PPP1R16B: variants seen among roughly 807,000 people sequenced by gnomAD.
The protein encoded by PPP1R16B is protein phosphatase 1 regulatory subunit 16B, also known as protein phosphatase 1 regulatory inhibitor subunit 16B.
Under a neutral mutation model 61.7 loss-of-function variants are expected in PPP1R16B, and 14 were observed. That is an observed-to-expected ratio of 0.23 (90% confidence interval 0.15 to 0.35). The LOEUF is 0.35. Among genes scored for constraint, PPP1R16B ranks in the 10% least tolerant of loss-of-function variants. PPP1R16B has a pLI of 1.00. For synonymous variants in PPP1R16B, 266 were observed against 305.3 expected, an observed-to-expected ratio of 0.87 and a Z score of 1.34; for missense variants, 547 against 752.5, an observed-to-expected ratio of 0.73 and a Z score of 3.19.
intron 3 of PPP1R16B, 91 bp downstream of exon 3, chr20:38,889,756 A>G: frequency 3.8e-6 from 5 of 1,315,216 alleles, no homozygotes; most frequent in Non-Finnish European, 5.5e-6. Flanking sequence ...CAGAACCCTC[A>G]GGGAGGAGGG....
At chr20:38,899,917 C>T (rs1295212995) in intron 4 of PPP1R16B, among the ~76,000 whole-genome samples, 1 of 152,058 alleles carries the variant, frequency 6.6e-6, no homozygotes, top group Non-Finnish European at 1.5e-5. Context: ...ATGCCTCAGC[C>T]TCCCGAATAG....
chr20:38,809,758 CTGAT>C (rs571049221), intron 1 of PPP1R16B, among the ~76,000 whole-genome samples: 223 of 152,160 alleles, frequency 1.5e-3, no homozygotes, highest in Non-Finnish European at 2.2e-3. Context: ...GGTGGGCAGA[CTGAT>C]TGACTCCAGG....
At chr20:38,915,978 T>A (rs2085534429) in intron 10 of PPP1R16B, among the ~76,000 whole-genome samples, 1 of 149,494 alleles carries the variant, frequency 6.7e-6, no homozygotes, top group Non-Finnish European at 1.5e-5. Context: ...CACATACACA[T>A]CAAAGTTTGA....
At chr20:38,870,383 AC>A (rs1451432032) in intron 2 of PPP1R16B, among the ~76,000 whole-genome samples, 1 of 152,166 alleles carries the variant, frequency 6.6e-6, no homozygotes, top group African/African-American at 2.4e-5. Context: ...TAAAAGTCTG[AC>A]TAAATGCTGT....
At chr20:38,901,444 G>T (rs1444258468) in intron 5 of PPP1R16B, among the ~76,000 whole-genome samples, 1 of 152,158 alleles carries the variant, frequency 6.6e-6, no homozygotes, top group Non-Finnish European at 1.5e-5. Flanking sequence ...GAGTCTTGCT[G>T]TGTCCCCCAG....
In PPP1R16B at chr20:38,814,148, A is replaced by G. The variant is rs903914786; in HGVS notation, c.-102+8356A>G. On this transcript the variant is annotated intron_variant, in intron 1 of 10. Transcript: ENST00000299824. ...TTTACTGTTCAGGAAAGTGAAGCAG[A>G]GAGGTTCAATGTCTTACTCAAGGTC... 1.2e-4 allele frequency among the ~76,000 whole-genome samples: 19 copies of G among 152,170 alleles called. 1 individual carries two copies. The highest frequency in any genetic ancestry group is 4.6e-4 in the African/African-American group (19 of 41,440).
At chr20:38,857,995 G>A (rs1047442351) in intron 2 of PPP1R16B, among the ~76,000 whole-genome samples, 1 of 152,118 alleles carries the variant, frequency 6.6e-6, no homozygotes, top group Non-Finnish European at 1.5e-5. Flanking sequence ...CCAAGATCAA[G>A]GTGCCAGAAT....
chr20:38,841,443 G>A (rs909645882), intron 2 of PPP1R16B, among the ~76,000 whole-genome samples: 4 of 150,084 alleles, frequency 2.7e-5, no homozygotes, highest in African/African-American at 7.3e-5. Context: ...CAGGAGGATC[G>A]CTTGAATCCG....
chr20:38,881,242 G>A (rs1467130973), intron 2 of PPP1R16B, among the ~76,000 whole-genome samples: 1 of 152,240 alleles, frequency 6.6e-6, no homozygotes, highest in Non-Finnish European at 1.5e-5. Context: ...TTCCCTGGGA[G>A]CAGCTATTTC....
chr20:38,820,689 C>T (rs2084767669), intron 1 of PPP1R16B, among the ~76,000 whole-genome samples: 1 of 152,046 alleles, frequency 6.6e-6, no homozygotes, highest in African/African-American at 2.4e-5. Context: ...AATTTATATT[C>T]CCACTCAGTG....
At chr20:38,832,367 G>T (rs1437436378) in intron 1 of PPP1R16B, among the ~76,000 whole-genome samples, 2 of 152,214 alleles carry the variant, frequency 1.3e-5, no homozygotes, top group Non-Finnish European at 2.9e-5. Context: ...CTCACTCGAG[G>T]AAGTGGAGTG....
At chr20:38,813,467 A>G (rs1205098311) in intron 1 of PPP1R16B, among the ~76,000 whole-genome samples, 1 of 152,156 alleles carries the variant, frequency 6.6e-6, no homozygotes, top group Non-Finnish European at 1.5e-5. Flanking sequence ...ATGGAAGGGA[A>G]GGTGGGAGGA....
At chr20:38,855,368 A>C (rs952561651) in intron 2 of PPP1R16B, among the ~76,000 whole-genome samples, 3 of 151,778 alleles carry the variant, frequency 2.0e-5, no homozygotes, top group Admixed American at 6.6e-5. Flanking sequence ...AAAAAAAAAA[A>C]ACAAAACCCT....
intron 2 of PPP1R16B, among the ~76,000 whole-genome samples, chr20:38,880,938 G>C (rs747557607): frequency 2.6e-5 from 4 of 152,122 alleles, no homozygotes; most frequent in African/African-American, 9.7e-5. Flanking sequence ...AGCAGGGCCC[G>C]AGGGCTCTGA....
chr20:38,912,518 A>C (rs1415476513), intron 10 of PPP1R16B, among the ~76,000 whole-genome samples: 1 of 151,566 alleles, frequency 6.6e-6, no homozygotes, highest in Non-Finnish European at 1.5e-5. Context: ...AAAAAAAAAA[A>C]AAAAACAATT....
intron 1 of PPP1R16B, among the ~76,000 whole-genome samples, chr20:38,824,588 G>A (rs191736369): frequency 3.3e-5 from 5 of 152,304 alleles, no homozygotes; most frequent in South Asian, 2.1e-4. Flanking sequence ...TGCTCTCTGC[G>A]TTGCCCTCTG....
At chr20:38,814,292 T>C (rs2084721152) in intron 1 of PPP1R16B, among the ~76,000 whole-genome samples, 1 of 152,202 alleles carries the variant, frequency 6.6e-6, no homozygotes, top group South Asian at 2.1e-4. Context: ...GTCTTCTCTT[T>C]ATGGGGCTAT....
chr20:38,806,496 G>A lies in PPP1R16B; in HGVS notation c.-102+704G>A, dbSNP rs1367978851. ...CCCCGCGCCAGGAGCGCTCCCCTCT[G>A]GGCGACTCCGGCTCATCGATTCCGG... On this transcript the variant is annotated intron_variant, in intron 1 of 10. Coordinates refer to ENST00000299824, the MANE Select transcript of PPP1R16B (RefSeq NM_015568.4). This position sits in a 1 kb window ranked among gnomAD's most constrained non-coding sequence, Gnocchi z 4.5. Among the ~76,000 whole-genome samples, 1 of 152,092 alleles carries A rather than the reference G, an allele frequency of 6.6e-6. No homozygotes were observed. Among genetic ancestry groups the A allele is most frequent in the Non-Finnish European group, 1.5e-5 (1 of 67,976 alleles).
At chr20:38,890,976 C>T (rs2085287818) in intron 3 of PPP1R16B, among the ~76,000 whole-genome samples, 1 of 152,210 alleles carries the variant, frequency 6.6e-6, no homozygotes. Flanking sequence ...GCAGCTGCCT[C>T]AGTACCCCCA....
Sources: gnomAD v4.1 joint callset for allele counts (sites outside exome capture counted in the v4.1 genomes callset) on GRCh38, gnomAD v4.1.1 for gene constraint, Gnocchi (gnomAD v3.1) non-coding constraint, MANE v1.5 for transcripts, NCBI Gene and HGNC (gene_info 2026-07-23, HGNC 2026-07-21) for gene names.